Variants in MGLL observed in about 807,000 individuals in gnomAD.
MGLL encodes the protein monoglyceride lipase.
Under a neutral mutation model 29.1 loss-of-function variants are expected in MGLL, and 7 were observed. The ratio of observed to expected loss-of-function variants is 0.24; its 90% CI spans 0.14 to 0.45. MGLL has a LOEUF of 0.45. MGLL is among the 20% of genes least tolerant of loss of function. The probability of loss-of-function intolerance (pLI) is 0.99; values close to 1 mark genes in which losing one functional copy is unlikely to be tolerated. For missense variants in MGLL, 356 were observed against 413.6 expected (o/e 0.86, Z 1.21); for synonymous variants, 148 against 168.3 (o/e 0.88, Z 0.93).
rs545853423 is a variant in MGLL, at chr3:127,696,396, CTTTTTTTTTTTTTTTTTT to C, written c.601-1224_601-1207del. Among the ~76,000 whole-genome samples, 248 of 49,414 alleles carry C rather than the reference CTTTTTTTTTTTTTTTTTT, an allele frequency of 5.0e-3. 6 individuals are homozygous for C. In the Admixed American group the frequency reaches 0.066, roughly 13 times the overall value. 32.4% of individuals were successfully genotyped at this position (49,414 alleles called of 152,430 possible). ...GGGCAGGAGTGAGCCCCTGATGCTT[CTTTTTTTTTTTTTTTTTT>C]TTTTTTTTTTTTTTTTTGAGACGGA... On this transcript the variant is annotated intron_variant, in intron 6 of 7. Coordinates refer to ENST00000265052, the MANE Select transcript of MGLL (RefSeq NM_007283.7).
In MGLL at chr3:127,822,467, G is replaced by C. The variant is rs564448477; in HGVS notation, c.-149C>G. The C allele has an allele frequency of 8.8e-6, 7 of 798,446 alleles. No homozygotes were observed. In the East Asian group the frequency reaches 1.9e-4, roughly 22 times the overall value. The allele number at this position is 798,446 out of a possible 1,614,324, so 49.5% of individuals were successfully genotyped here. A position where few individuals can be genotyped will look rare whatever the true frequency, so the allele number is the denominator to read the frequency against. The stretch of plus-strand genomic sequence containing the variant: ...GCACCCAGACCCTGCCTTTCGGGCT[G>C]GGGCGCTCAGCCGGGAGCCTGCTTC... On this transcript the variant is annotated 5_prime_UTR_variant, in exon 1 of 8. Transcript: ENST00000265052.
intron 3 of MGLL, among the ~76,000 whole-genome samples, chr3:127,755,527 G>T (rs1486156041): frequency 6.6e-6 from 1 of 152,152 alleles, no homozygotes; most frequent in Non-Finnish European, 1.5e-5. Flanking sequence ...TGGGTGGGAG[G>T]TGCACGGTCA....
In MGLL at chr3:127,781,841, C is replaced by G. The variant is rs766837613; in HGVS notation, c.210G>C (p.Glu70Asp). Residue 70 changes from glutamate to aspartate, a missense_variant, in exon 3 of 8, where the codon GAG (glutamate) becomes GAC (aspartate). Coordinates refer to ENST00000265052, the MANE Select transcript of MGLL (RefSeq NM_007283.7). ...GAGEHSGRYE[E>D]LARMLMGLDL... is the part of the protein sequence containing the mutation. ...CCAGCCCCATCAGCATCCGAGCCAG[C>G]TCTTCATAGCGGCCACTGTGCTCTC... is the stretch of plus-strand genomic sequence containing the variant. 1.2e-6 allele frequency: 2 copies of G among 1,614,134 alleles called. No individual in the cohort carries two copies. The highest frequency in any genetic ancestry group is 2.7e-5 in the African/African-American group (2 of 75,032).
At chr3:127,739,144 G>T (rs1312263065) in intron 3 of MGLL, among the ~76,000 whole-genome samples, 2 of 152,186 alleles carry the variant, frequency 1.3e-5, no homozygotes, top group Non-Finnish European at 2.9e-5. Flanking sequence ...GAAAAATCCC[G>T]AAAAGCCTCA....
rs2075210283 is a variant in MGLL, at chr3:127,689,694, A to G, written c.*2504T>C. 1 of 152,236 alleles carries G rather than the reference A, an allele frequency of 6.6e-6. No homozygotes were observed. Among genetic ancestry groups the G allele is most frequent in the South Asian group, 2.1e-4 (1 of 4,830 alleles). 9.4% of individuals were successfully genotyped at this position (152,236 alleles called of 1,614,324 possible). ...CGCTGGTGTGACTCCAGAGCTCAGA[A>G]TGTCAGCACGGAGCCGTCAGTATCG... On this transcript the variant is annotated 3_prime_UTR_variant, in exon 8 of 8. Transcript: ENST00000265052.
chr3:127,788,801 CATGTTTT>C (rs930232964), intron 2 of MGLL, among the ~76,000 whole-genome samples: 1 of 152,104 alleles, frequency 6.6e-6, no homozygotes, highest in Non-Finnish European at 1.5e-5. Context: ...GAGAAGAGAT[CATGTTTT>C]ATTCATTCAT....
chr3:127,760,496 C>T (rs567662456), intron 3 of MGLL, among the ~76,000 whole-genome samples: 4 of 152,370 alleles, frequency 2.6e-5, no homozygotes, highest in South Asian at 2.1e-4. Flanking sequence ...CAGGCTCAGG[C>T]GCCACCTCTG....
At chr3:127,769,569 G>A (rs188755369) in intron 3 of MGLL, among the ~76,000 whole-genome samples, 41 of 152,314 alleles carry the variant, frequency 2.7e-4, no homozygotes, top group Admixed American at 9.8e-4. Flanking sequence ...GCTGGTGAGG[G>A]GGAGGCTGCC....
At chr3:127,797,752 C>T (rs1410382050) in intron 2 of MGLL, among the ~76,000 whole-genome samples, 1 of 152,086 alleles carries the variant, frequency 6.6e-6, no homozygotes, top group Non-Finnish European at 1.5e-5. Context: ...GGACTATAGG[C>T]GCGAGCCACC....
chr3:127,821,891 T>G, intron 1 of MGLL, 53 bp from the exon 2 acceptor site: 1 of 1,566,862 alleles, frequency 6.4e-7, no homozygotes, highest in Non-Finnish European at 8.7e-7. Context: ...AGAACATGTA[T>G]GGATAGGAGA....
intron 6 of MGLL, among the ~76,000 whole-genome samples, chr3:127,699,531 C>T (rs982566916): frequency 2.6e-5 from 4 of 152,118 alleles, no homozygotes; most frequent in African/African-American, 9.7e-5. Flanking sequence ...TTATTATTAC[C>T]TTTTTACATA....
Position 127,790,638 on chromosome 3 carries a change from C to G in MGLL, c.156-8743G>C, listed in dbSNP as rs113699556. Among the ~76,000 whole-genome samples the G allele has an allele frequency of 6.2e-3, 937 of 152,304 alleles. 9 individuals carry two copies. Among genetic ancestry groups the G allele is most frequent in the Non-Finnish European group, 0.012 (784 of 68,020 alleles). Reference sequence around the variant, plus strand: ...ACACTAAGCGTATTTTGTGAAGCCACTTCAGAATCCTGAGTTGAATGAGAC... The same window carrying G: ...ACACTAAGCGTATTTTGTGAAGCCAGTTCAGAATCCTGAGTTGAATGAGAC... On this transcript the variant is annotated intron_variant, in intron 2 of 7. Transcript: ENST00000265052.
intron 3 of MGLL, among the ~76,000 whole-genome samples, chr3:127,735,476 T>C (rs980039606): frequency 1.3e-5 from 2 of 152,152 alleles, no homozygotes; most frequent in Non-Finnish European, 2.9e-5. Flanking sequence ...AAACACAAAG[T>C]GAAGAAAGCA....
At chr3:127,701,076 A>G (rs374102590) in intron 6 of MGLL, among the ~76,000 whole-genome samples, 1 of 151,894 alleles carries the variant, frequency 6.6e-6, no homozygotes, top group Non-Finnish European at 1.5e-5. Flanking sequence ...TTAGCCTGGT[A>G]TAGTGGTGCA....
chr3:127,814,022 C>G (rs2077709834), intron 2 of MGLL, among the ~76,000 whole-genome samples: 1 of 151,916 alleles, frequency 6.6e-6, no homozygotes, highest in Admixed American at 6.6e-5. Context: ...TTCCTTCTTT[C>G]CTTCCTTCCT....
At chr3:127,777,080 G>C (rs946350153) in intron 3 of MGLL, among the ~76,000 whole-genome samples, 2 of 152,122 alleles carry the variant, frequency 1.3e-5, no homozygotes, top group South Asian at 4.2e-4. Flanking sequence ...TTCTCATTAG[G>C]ACAACAGTTA....
At chr3:127,716,771 G>A (rs3773147) in intron 5 of MGLL, among the ~76,000 whole-genome samples, 4 of 152,118 alleles carry the variant, frequency 2.6e-5, no homozygotes, top group East Asian at 1.9e-4. Context: ...CTGTGCGCAG[G>A]AGGCTAGGAC....
intron 2 of MGLL, among the ~76,000 whole-genome samples, chr3:127,787,928 G>A (rs2077241503): frequency 6.6e-6 from 1 of 152,234 alleles, no homozygotes. Flanking sequence ...TGATGGCTCT[G>A]TGGAAGCCCA....
At chr3:127,805,282 T>C (rs1294855399) in intron 2 of MGLL, among the ~76,000 whole-genome samples, 3 of 152,200 alleles carry the variant, frequency 2.0e-5, no homozygotes, top group African/African-American at 7.2e-5. Flanking sequence ...ATCAGGAATT[T>C]ATTGAGAATG....
Sources: gnomAD v4.1 joint callset for allele counts (sites outside exome capture counted in the v4.1 genomes callset) on GRCh38, gnomAD v4.1.1 for gene constraint, MANE v1.5 for transcripts, NCBI Gene and HGNC (gene_info 2026-07-23, HGNC 2026-07-21) for gene names.